IRS2: variants seen among roughly 807,000 people sequenced by gnomAD.
The protein encoded by IRS2 is insulin receptor substrate 2.
A neutral mutation model predicts 70.9 loss-of-function variants in IRS2; 28 were observed. That is an observed-to-expected ratio of 0.39 (90% CI 0.29 to 0.54). The LOEUF is 0.54. Among genes scored for constraint, IRS2 ranks in the 20% least tolerant of loss-of-function variants. IRS2 has a pLI of 0.59. For synonymous variants in IRS2, 1,217 were observed against 981.9 expected (o/e 1.24, Z -4.48); for missense variants, 2,081 against 2,024.1 (o/e 1.03, Z -0.54).
rs1319003020 is a variant in IRS2, at chr13:109,753,307, T to C, written c.*2997A>G. On this transcript the variant is annotated 3_prime_UTR_variant, in exon 2 of 2. Transcript: ENST00000375856. The stretch of plus-strand genomic sequence containing the variant: ...TGCATTGGTACATCTTCTGTGTGCA[T>C]GTCATGGAGGGAGCATTCTTGATGT... 6.6e-6 allele frequency: 1 copy of C among 152,300 alleles called. No homozygotes were observed. Among genetic ancestry groups the C allele is most frequent in the Non-Finnish European group, 1.5e-5 (1 of 68,040 alleles). The allele number at this position is 152,300 out of a possible 1,614,324, so 9.4% of individuals were successfully genotyped here.
At chr13:109,770,149 C>T (rs984319990) in intron 1 of IRS2, among the ~76,000 whole-genome samples, 11 of 152,162 alleles carry the variant, frequency 7.2e-5, no homozygotes, top group Non-Finnish European at 1.6e-4. Context: ...AGGCCAAGAG[C>T]GGCAAGCAGC....
Position 109,783,960 on chromosome 13 carries a change from G to T in IRS2, c.2094C>A (p.Ala698=). ...QILQPRAAAA[A]AAAVPSAGPA... ...GCCCCGCAGAAGGCACGGCGGCGGC[G>T]GCGGCGGCGGCGGCCCTGGGCTGCA... The change falls in exon 1 of 2, where the codon GCC becomes GCA. Residue 698 remains alanine, a synonymous_variant. Coordinates refer to ENST00000375856, the MANE Select transcript of IRS2 (RefSeq NM_003749.3). 2.6e-6 allele frequency: 4 copies of T among 1,512,952 alleles called. No individual in the cohort carries two copies. The South Asian group carries it at 5.0e-5, about 19-fold the overall frequency. The allele number at this position is 1,512,952 out of a possible 1,614,324, so 93.7% of individuals were successfully genotyped here.
Position 109,783,765 on chromosome 13 carries a change from G to C in IRS2, c.2289C>G (p.Asn763Lys), listed in dbSNP as rs992333333. 1 of 1,595,538 alleles carries C rather than the reference G, an allele frequency of 6.3e-7. No homozygotes were observed. Among genetic ancestry groups the C allele is most frequent in the Non-Finnish European group, 8.5e-7 (1 of 1,171,514 alleles). Residue 763 changes from asparagine to lysine, a missense_variant, in exon 1 of 2, where the codon AAC becomes AAG. This residue lies in a region of IRS2 where 1,615 missense variants were observed against 1,459.5 expected (regional missense o/e 1.11). Coordinates refer to ENST00000375856, the MANE Select transcript of IRS2 (RefSeq NM_003749.3). ...MEHADGKLLP[N>K]GDYLNVSPSD... Reference sequence around the variant, plus strand: ...TGGGGGACACGTTGAGGTAGTCCCCGTTGGGCAGCAGCTTGCCATCTGCAT... The same window carrying C: ...TGGGGGACACGTTGAGGTAGTCCCCCTTGGGCAGCAGCTTGCCATCTGCAT...
At position 109,753,245 on chromosome 13, in the gene IRS2, G is replaced by A. The variant is rs1877031438; in HGVS notation, c.*3059C>T. 6.6e-6 allele frequency: 1 copy of A among 152,478 alleles called. No homozygotes were observed. The highest frequency in any genetic ancestry group is 1.5e-5 in the Non-Finnish European group (1 of 68,166). The allele number at this position is 152,478 out of a possible 1,614,324, so 9.4% of individuals were successfully genotyped here. On this transcript the variant is annotated 3_prime_UTR_variant, in exon 2 of 2. Coordinates refer to ENST00000375856, the MANE Select transcript of IRS2 (RefSeq NM_003749.3). ...CAAAGTGCTGGGATTACAGGTGTGAGCCACCACGCCCGGCCGGAGGAAGCA... is the reference window on the plus strand; with the variant it reads ...CAAAGTGCTGGGATTACAGGTGTGAACCACCACGCCCGGCCGGAGGAAGCA...
At chr13:109,766,996 T>C (rs1404397915) in intron 1 of IRS2, among the ~76,000 whole-genome samples, 1 of 152,256 alleles carries the variant, frequency 6.6e-6, no homozygotes, top group African/African-American at 2.4e-5. Context: ...AAAGATCTTG[T>C]AGACATTTTC....
intron 1 of IRS2, among the ~76,000 whole-genome samples, chr13:109,767,260 T>C (rs1179661906): frequency 1.3e-5 from 2 of 152,092 alleles, no homozygotes; most frequent in African/African-American, 4.8e-5. Context: ...GCACCCTGGC[T>C]CCTGTCCAGG....
At chr13:109,771,439 T>G (rs1175844205) in intron 1 of IRS2, among the ~76,000 whole-genome samples, 1 of 152,222 alleles carries the variant, frequency 6.6e-6, no homozygotes, top group Non-Finnish European at 1.5e-5. Context: ...TTGGTACTTT[T>G]GCAACTAACA....
chr13:109,770,128 G>A (rs1326929987), intron 1 of IRS2, among the ~76,000 whole-genome samples: 1 of 152,228 alleles, frequency 6.6e-6, no homozygotes, highest in African/African-American at 2.4e-5. Flanking sequence ...CCACCACCAT[G>A]GAGGGCAGGG....
At position 109,755,504 on chromosome 13, in the gene IRS2, G is replaced by GA. The variant is rs1041905618; in HGVS notation, c.*799dup. ...AACAAGTCTGTTAAAGGTAAAAAGA[G>GA]ATATTCATCCCCTTCCCAAAGCCCT... is the stretch of plus-strand genomic sequence containing the variant. On this transcript the variant is annotated 3_prime_UTR_variant, in exon 2 of 2. Coordinates refer to ENST00000375856, the MANE Select transcript of IRS2 (RefSeq NM_003749.3). 1.4e-5 allele frequency: 3 copies of GA among 212,520 alleles called. No homozygotes were observed. The highest frequency in any genetic ancestry group is 6.8e-5 in the African/African-American group (3 of 44,186). The allele number at this position is 212,520 out of a possible 1,614,324, so 13.2% of individuals were successfully genotyped here.
chr13:109,784,292 GCACC>G lies in IRS2; in HGVS notation c.1758_1761del (p.Val587ProfsTer13). 1 of 1,598,302 alleles carries G rather than the reference GCACC, an allele frequency of 6.3e-7. No individual in the cohort carries two copies. Among genetic ancestry groups the G allele is most frequent in the African/African-American group, 1.3e-5 (1 of 74,818 alleles). On this transcript the variant is annotated frameshift_variant, in exon 1 of 2. Coordinates refer to ENST00000375856, the MANE Select transcript of IRS2 (RefSeq NM_003749.3). LOFTEE classifies it high-confidence loss of function. The surrounding 1 kb of genome is among the most constrained non-coding windows in gnomAD (Gnocchi z 5.2). ...TCCAGCGAGGCAGAGGAGGGCTGGG[GCACC>G]GGCCGCTGCCGGGCTGGCGTGGTCA...
In IRS2 at chr13:109,752,960, CTTTTT is replaced by C. The variant is rs11397558; in HGVS notation, c.*3339_*3343del. 1.7e-5 allele frequency: 2 copies of C among 120,360 alleles called. No individual in the cohort carries two copies. Among genetic ancestry groups the C allele is most frequent in the Non-Finnish European group, 3.3e-5 (2 of 60,854 alleles). The allele number at this position is 120,360 out of a possible 1,614,324, so 7.5% of individuals were successfully genotyped here. A position where few individuals can be genotyped will look rare whatever the true frequency, so the allele number is the denominator to read the frequency against. ...GTGTCATGGAGGCAGCATTCTTCTT[CTTTTT>C]TTTTTTTTTTTTTGAGACGGAGTTT... On this transcript the variant is annotated 3_prime_UTR_variant, in exon 2 of 2. Transcript: ENST00000375856.
rs1459115704 is a variant in IRS2, at chr13:109,784,806, C to T, written c.1248G>A (p.Val416=). Reference sequence around the variant, plus strand: ...GCGCGCCCCCTGCCGGCAGCAGCGCCACCTTGCTCCCGCGGCCGCCGCAGC... The same window carrying T: ...GCGCGCCCCCTGCCGGCAGCAGCGCTACCTTGCTCCCGCGGCCGCCGCAGC... ...SGGCGGRGSK[V]ALLPAGGALQ... Residue 416 remains valine, a synonymous_variant, in exon 1 of 2, where the codon GTG becomes GTA. Coordinates refer to ENST00000375856, the MANE Select transcript of IRS2 (RefSeq NM_003749.3). The surrounding 1 kb of genome is among the most constrained non-coding windows in gnomAD (Gnocchi z 5.2). 2 of 1,273,106 alleles carry T rather than the reference C, an allele frequency of 1.6e-6. No individual in the cohort carries two copies. The highest frequency in any genetic ancestry group is 3.1e-5 in the African/African-American group (2 of 63,656). The allele number at this position is 1,273,106 out of a possible 1,614,324, so 78.9% of individuals were successfully genotyped here. A position where few individuals can be genotyped will look rare whatever the true frequency, so the allele number is the denominator to read the frequency against.
chr13:109,783,332 G>A lies in IRS2; in HGVS notation c.2722C>T (p.Pro908Ser). The change falls in exon 1 of 2, where the codon CCA (proline) becomes TCA (serine). Residue 908 changes from proline to serine, a missense_variant. Physicochemically the swap from Pro to Ser is moderately conservative, Grantham distance 74 (BLOSUM62 -1). Around this residue, in one of 4 missense-constraint regions of IRS2, gnomAD observed 1,615 missense variants for 1,459.5 expected, o/e 1.11. Coordinates refer to ENST00000375856, the MANE Select transcript of IRS2 (RefSeq NM_003749.3). Reference protein sequence around the residue: ...LPSLPSMHEYPLPPEPKSPGE... With the variant: ...LPSLPSMHEYSLPPEPKSPGE... ...GGGCTCTTGGGCTCCGGTGGCAGTG[G>A]GTACTCGTGCATGCTGGGCAGGCTG... is the stretch of plus-strand genomic sequence containing the variant. The A allele has an allele frequency of 6.4e-7, 1 of 1,558,842 alleles. No homozygotes were observed. Among genetic ancestry groups the A allele is most frequent in the Non-Finnish European group, 8.6e-7 (1 of 1,161,634 alleles).
Position 109,782,675 on chromosome 13 carries a change from G to T in IRS2, c.3379C>A (p.Pro1127Thr). The change falls in exon 1 of 2, where the codon CCG becomes ACG. Residue 1127 changes from proline (P) to threonine (T), a missense_variant. Transcript: ENST00000375856. ...ACCTTGGCGCCGCGGTGGGGGTCCG[G>T]GGGCTGGCTGGCCTGCAGGAAGGCC... ...VEAFLQASQP[P>T]DPHRGAKVIR... 6.4e-7 allele frequency: 1 copy of T among 1,574,764 alleles called. No individual in the cohort carries two copies. The highest frequency in any genetic ancestry group is 8.6e-7 in the Non-Finnish European group (1 of 1,161,928).
intron 1 of IRS2, among the ~76,000 whole-genome samples, chr13:109,767,511 G>A (rs1298257331): frequency 3.3e-5 from 5 of 152,120 alleles, no homozygotes; most frequent in African/African-American, 1.2e-4. Context: ...TCCCAAGGCT[G>A]TGCCTGAGTC....
intron 1 of IRS2, among the ~76,000 whole-genome samples, chr13:109,768,605 C>T (rs572289446): frequency 4.9e-5 from 6 of 123,588 alleles, no homozygotes; most frequent in Non-Finnish European, 9.8e-5. Flanking sequence ...TTTGATAAGC[C>T]GATGGTTAGC....
At chr13:109,770,094 A>G (rs1877419478) in intron 1 of IRS2, among the ~76,000 whole-genome samples, 1 of 152,144 alleles carries the variant, frequency 6.6e-6, no homozygotes, top group Non-Finnish European at 1.5e-5. Flanking sequence ...ACCCAATGGG[A>G]CTTCCTTCTT....
At position 109,782,490 on chromosome 13, in the gene IRS2, G is replaced by A. The variant is rs1342718882; in HGVS notation, c.3564C>T (p.Gly1188=). The A allele has an allele frequency of 9.0e-6, 14 of 1,553,588 alleles. No homozygotes were observed. Among genetic ancestry groups the A allele is most frequent in the East Asian group, 2.4e-5 (1 of 41,296 alleles). The change falls in exon 1 of 2, where the codon GGC becomes GGT. Residue 1188 remains glycine (G), a synonymous_variant. Transcript: ENST00000375856. ...CCCCTCCAGGGCCGACACCCACGCC[G>A]CCCTCGCTGCTTTTCCTGAGAGAGA... is the stretch of plus-strand genomic sequence containing the variant. ...ENVSLRKSSE[G]GVGVGPGGGD... is the part of the protein sequence containing the mutation.
At position 109,786,079 on chromosome 13, in the gene IRS2, C is replaced by G. The variant is rs966301456; in HGVS notation, c.-26G>C. 1.3e-5 allele frequency: 14 copies of G among 1,049,574 alleles called. No homozygotes were observed. In the African/African-American group the frequency reaches 1.6e-4, roughly 12 times the overall value. 65.0% of individuals were successfully genotyped at this position (1,049,574 alleles called of 1,614,324 possible). On this transcript the variant is annotated 5_prime_UTR_variant, in exon 1 of 2. Transcript: ENST00000375856. This position sits in a 1 kb window ranked among gnomAD's most constrained non-coding sequence, Gnocchi z 4.4. ...CGCGGGCGCTTCAGGCCGCGCGGCC[C>G]GGGCCCGGCGCCCAGGGGTTGGGGC...
Sources: gnomAD v4.1 joint callset for allele counts (sites outside exome capture counted in the v4.1 genomes callset) on GRCh38, gnomAD v4.1.1 for gene constraint, gnomAD v4.1.1 regional missense constraint, Gnocchi (gnomAD v3.1) non-coding constraint, MANE v1.5 for transcripts, NCBI Gene and HGNC (gene_info 2026-07-23, HGNC 2026-07-21) for gene names.